The following MYBPC2 variants were observed in gnomAD, a reference collection of about 807,000 sequenced individuals.
MYBPC2 encodes the protein myosin binding protein C2.
MYBPC2 carries 122 observed loss-of-function variants against 137.0 expected under a neutral mutation model. The observed-to-expected ratio is 0.89, with a 90% CI of 0.77 to 1.03. The LOEUF (loss-of-function observed/expected upper bound fraction) is 1.03, where lower values mean the gene tolerates loss of function less well. MYBPC2 is among the 50% of genes least tolerant of loss of function. The pLI is 0.00. For missense variants in MYBPC2, 1,500 were observed against 1,534.4 expected (o/e 0.98, Z 0.37); for synonymous variants, 626 against 612.3 (o/e 1.02, Z -0.33).
At position 50,450,931 on chromosome 19, in the gene MYBPC2, C is replaced by A. The variant is rs769454145; in HGVS notation, c.1575C>A (p.Phe525Leu). 6.4e-7 allele frequency: 1 copy of A among 1,563,218 alleles called. No homozygotes were observed. Among genetic ancestry groups the A allele is most frequent in the African/African-American group, 1.4e-5 (1 of 73,652 alleles). The change falls in exon 14 of 28, where the codon TTC becomes TTA. Residue 525 changes from phenylalanine to leucine, a missense_variant. Coordinates refer to ENST00000357701, the MANE Select transcript of MYBPC2 (RefSeq NM_004533.4). Reference protein sequence around the residue: ...YALSLSAKLNFLEIKVEYVPK... With the variant: ...YALSLSAKLNLLEIKVEYVPK... ...TGTCGCTCTCGGCCAAGCTCAACTT[C>A]CTGGGTGAGGATGCCCCTTCCTCCT...
rs150527539 is a variant in MYBPC2 at position 50,449,866 on chromosome 19, A to G, written c.1473-963A>G. ...ATGCCGGCTGGTGGTCTCAGTAATG[A>G]TGATAATGGCCGGGCATGGTGGCTC... is the stretch of plus-strand genomic sequence containing the variant. On this transcript the variant is annotated intron_variant, in intron 13 of 27. Transcript: ENST00000357701. 3.0e-3 allele frequency among the ~76,000 whole-genome samples: 450 copies of G among 152,100 alleles called. 1 individual carries two copies. Among genetic ancestry groups the G allele is most frequent in the African/African-American group, 0.01 (430 of 41,480 alleles).
In MYBPC2 at chr19:50,436,997, C is replaced by T. The variant is rs561767314; in HGVS notation, c.463+263C>T. On this transcript the variant is annotated intron_variant, in intron 5 of 27. Transcript: ENST00000357701. ...TAGGAGGTGAGTTATGCACATTCCA[C>T]GTTTAAGAAAGTAGGCAAAACGGCT... 2.6e-5 allele frequency among the ~76,000 whole-genome samples: 4 copies of T among 152,162 alleles called. No individual in the cohort carries two copies. The East Asian group carries it at 7.7e-4, about 29-fold the overall frequency.
intron 13 of MYBPC2, among the ~76,000 whole-genome samples, chr19:50,448,837 C>A (rs191327668): frequency 8.7e-5 from 13 of 149,332 alleles, no homozygotes; most frequent in African/African-American, 2.7e-4. Context: ...GAGGTTCAAG[C>A]GATTCTCCTG....
At chr19:50,460,006 C>T in intron 23 of MYBPC2, 34 bp from the exon 24 acceptor site, 1 of 1,549,782 alleles carries the variant, frequency 6.5e-7, no homozygotes, top group East Asian at 2.4e-5. Flanking sequence ...CATCCCAAAA[C>T]CTGGACTGAC....
Position 50,432,984 on chromosome 19 carries a change from A to AC in MYBPC2, c.19+17dup. 1 of 1,592,224 alleles carries AC rather than the reference A, an allele frequency of 6.3e-7. No individual in the cohort carries two copies. Among genetic ancestry groups the AC allele is most frequent in the Non-Finnish European group, 8.5e-7 (1 of 1,171,644 alleles). On this transcript the variant is annotated intron_variant, in intron 1 of 27. Transcript: ENST00000357701. The surrounding 1 kb of genome is among the most constrained non-coding windows in gnomAD (Gnocchi z 5.5). ...TGAGGCAAAACCAGGTGGCGCCAGGACCCCCTCCCTGTGTGGGGATGGGGC... is the reference window on the plus strand; with the variant it reads ...TGAGGCAAAACCAGGTGGCGCCAGGACCCCCCTCCCTGTGTGGGGATGGGGC...
At position 50,464,356 on chromosome 19, in the gene MYBPC2, T is replaced by C. The variant is rs770799359; in HGVS notation, c.3239T>C (p.Val1080Ala). The C allele has an allele frequency of 6.2e-7, 1 of 1,606,498 alleles. No homozygotes were observed. The highest frequency in any genetic ancestry group is 8.5e-7 in the Non-Finnish European group (1 of 1,176,652). The stretch of plus-strand genomic sequence containing the variant: ...CTTGACTCTCAACAGCCGAAGGTGG[T>C]CTGGATGAAGAACAAGATGGAAATC... The part of the protein sequence containing the change: ...AVRGHPKPKV[V>A]WMKNKMEIRE... The change falls in exon 27 of 28, where the codon GTC becomes GCC. Residue 1080 changes from valine (V) to alanine (A), a missense_variant. By Grantham distance (64) the Val-to-Ala change is moderately conservative (BLOSUM62 0). Coordinates refer to ENST00000357701, the MANE Select transcript of MYBPC2 (RefSeq NM_004533.4).
In MYBPC2 at chr19:50,443,616, A is replaced by G. The variant is rs1010484699; in HGVS notation, c.1025A>G (p.Lys342Arg). The G allele has an allele frequency of 1.1e-5, 18 of 1,613,730 alleles. No homozygotes were observed. The highest frequency in any genetic ancestry group is 1.5e-5 in the Non-Finnish European group (18 of 1,179,678). Residue 342 changes from lysine to arginine, a missense_variant and splice_region_variant, in exon 10 of 28, where the codon AAA becomes AGA. Lys to Arg is a conservative substitution (Grantham distance 26). Transcript: ENST00000357701. ...AAGTGTTTCACCGAGCTCTTCGTCA[A>G]AGGTGAGGCTGGAATTCAGAACTGA... ...DEKCFTELFV[K>R]EPPVLIVTPL...
chr19:50,458,618 C>T lies in MYBPC2; in HGVS notation c.2370C>T (p.Pro790=), dbSNP rs764609578. ...AATGGGTCCCTGCCAACACCGAGCC[C>T]GTGGAGCGCTGTGGCTTCACCGTCA... ...SEEWVPANTE[P]VERCGFTVKN... Residue 790 remains proline, a synonymous_variant, in exon 21 of 28, where the codon CCC becomes CCT. Coordinates refer to ENST00000357701, the MANE Select transcript of MYBPC2 (RefSeq NM_004533.4). 1.2e-6 allele frequency: 2 copies of T among 1,612,712 alleles called. No individual in the cohort carries two copies. Among genetic ancestry groups the T allele is most frequent in the Admixed American group, 1.7e-5 (1 of 60,006 alleles).
rs756331615 is a variant in MYBPC2 at position 50,459,305 on chromosome 19, G to T, written c.2790G>T (p.Val930=). ...CCGCCACCATCCGCATCCGCGTTGT[G>T]GGTGCGCGCGCTGGGGAGGGCCCCT... ...KDTATIRIRV[V]EKAGPPINVM... The change falls in exon 23 of 28, where the codon GTG becomes GTT. Residue 930 remains valine, a splice_region_variant and synonymous_variant. Coordinates refer to ENST00000357701, the MANE Select transcript of MYBPC2 (RefSeq NM_004533.4). 5.6e-6 allele frequency: 9 copies of T among 1,598,374 alleles called. No individual in the cohort carries two copies. Among genetic ancestry groups the T allele is most frequent in the African/African-American group, 1.4e-5 (1 of 73,908 alleles).
At chr19:50,446,164 C>A in intron 12 of MYBPC2, 112 bp downstream of exon 12, 2 of 1,284,804 alleles carry the variant, frequency 1.6e-6, no homozygotes, top group Non-Finnish European at 2.1e-6. Context: ...CTCTTTCCCA[C>A]ACACCCTATG....
rs2039695029 is a variant in MYBPC2 at position 50,435,597 on chromosome 19, A to G, written c.110-179A>G. ...GGTGAGGGAGCCTGGCCAAGGTCAC[A>G]CAGCCACGAGGGTGACAGGTGGCCT... On this transcript the variant is annotated intron_variant, in intron 2 of 27. Coordinates refer to ENST00000357701, the MANE Select transcript of MYBPC2 (RefSeq NM_004533.4). The surrounding 1 kb of genome is among the most constrained non-coding windows in gnomAD (Gnocchi z 4.8). Among the ~76,000 whole-genome samples, 1 of 152,214 alleles carries G rather than the reference A, an allele frequency of 6.6e-6. No individual in the cohort carries two copies.
rs370531574 is a variant in MYBPC2, at chr19:50,464,442, C to T, written c.3325C>T (p.Arg1109Cys). 39 of 1,611,562 alleles carry T rather than the reference C, an allele frequency of 2.4e-5. No individual in the cohort carries two copies. The highest frequency in any genetic ancestry group is 4.0e-5 in the African/African-American group (3 of 74,906). The change falls in exon 27 of 28, where the codon CGC (arginine) becomes TGC (cysteine). Residue 1109 changes from arginine to cysteine, a missense_variant. By Grantham distance (180) the Arg-to-Cys change is radical. Coordinates refer to ENST00000357701, the MANE Select transcript of MYBPC2 (RefSeq NM_004533.4). The stretch of plus-strand genomic sequence containing the variant: ...AGGAGTCCTGACGCTGAACATCCGT[C>T]GCCCCTCGCCCTTCGACGCTGGGAC... ...YQGVLTLNIR[R>C]PSPFDAGTYT... is the part of the protein sequence containing the mutation.
chr19:50,435,780 C>A lies in MYBPC2; in HGVS notation c.114C>A (p.Ala38=). The change falls in exon 3 of 28, where the codon GCC becomes GCA. Residue 38 remains alanine (A), a synonymous_variant. Coordinates refer to ENST00000357701, the MANE Select transcript of MYBPC2 (RefSeq NM_004533.4). The surrounding 1 kb of genome is among the most constrained non-coding windows in gnomAD (Gnocchi z 4.8). ...CTAATCCTGTCCCCTGAACAGAAGC[C>A]CCACCCGAGGACCAGTCCCCGACTG... ...KEAPAEAPKE[A]PPEDQSPTAE... 3.1e-6 allele frequency: 5 copies of A among 1,608,250 alleles called. No individual in the cohort carries two copies. Among genetic ancestry groups the A allele is most frequent in the Non-Finnish European group, 4.3e-6 (5 of 1,176,168 alleles).
At chr19:50,449,228 G>A (rs1254164820) in intron 13 of MYBPC2, among the ~76,000 whole-genome samples, 3 of 152,206 alleles carry the variant, frequency 2.0e-5, no homozygotes, top group Admixed American at 2.0e-4. Context: ...TCTTGAGCGT[G>A]CAGGTTGGTT....
intron 18 of MYBPC2, among the ~76,000 whole-genome samples, chr19:50,454,574 C>T (rs578260553): frequency 6.6e-6 from 1 of 151,926 alleles, no homozygotes; most frequent in African/African-American, 2.4e-5. Context: ...TACAGGTGCC[C>T]ACCACCACGC....
rs751444760 is a variant in MYBPC2, at chr19:50,455,267, G to A, written c.2174G>A (p.Ser725Asn). The A allele has an allele frequency of 2.5e-6, 4 of 1,613,704 alleles. No homozygotes were observed. Among genetic ancestry groups the A allele is most frequent in the Non-Finnish European group, 3.4e-6 (4 of 1,179,816 alleles). Reference protein sequence around the residue: ...AVNAIGVSQPSMNTKPFMPIA... With the variant: ...AVNAIGVSQPNMNTKPFMPIA... ...AATGCTATAGGGGTCTCCCAGCCCAGCATGAACACCAAGCCTTTTATGCCT... is the reference window on the plus strand; with the variant it reads ...AATGCTATAGGGGTCTCCCAGCCCAACATGAACACCAAGCCTTTTATGCCT... Residue 725 changes from serine to asparagine, a missense_variant, in exon 19 of 28, where the codon AGC (serine) becomes AAC (asparagine). Coordinates refer to ENST00000357701, the MANE Select transcript of MYBPC2 (RefSeq NM_004533.4).
At position 50,441,728 on chromosome 19, in the gene MYBPC2, A is replaced by C. The variant is rs888240090; in HGVS notation, c.770-453A>C. Among the ~76,000 whole-genome samples, 7 of 151,924 alleles carry C rather than the reference A, an allele frequency of 4.6e-5. No homozygotes were observed. The South Asian group carries it at 1.5e-3, about 32-fold the overall frequency. On this transcript the variant is annotated intron_variant, in intron 8 of 27. Transcript: ENST00000357701. ...GGTGGTGTGCACCTGTAATCCCAGCAACTTGGGAGGCTGAGGCAGGAGAAT... is the reference window on the plus strand; with the variant it reads ...GGTGGTGTGCACCTGTAATCCCAGCCACTTGGGAGGCTGAGGCAGGAGAAT...
intron 12 of MYBPC2, among the ~76,000 whole-genome samples, chr19:50,447,029 T>TG (rs1315451389): frequency 2.7e-5 from 4 of 145,532 alleles, no homozygotes; most frequent in Admixed American, 6.8e-5. Context: ...ACAGCCCCCC[T>TG]GTTGCTGCCC....
At chr19:50,455,043 C>T (rs997494306) in intron 18 of MYBPC2, 65 bp from the exon 19 acceptor site, 11 of 1,466,090 alleles carry the variant, frequency 7.5e-6, no homozygotes, top group African/African-American at 2.8e-5. Context: ...GGCCCTCACT[C>T]CCCCAGCTGA....
Sources: allele counts gnomAD v4.1 joint callset (sites outside exome capture counted in the v4.1 genomes callset), GRCh38; gene constraint gnomAD v4.1.1; non-coding constraint Gnocchi (gnomAD v3.1); transcripts MANE v1.5; gene names NCBI Gene and HGNC (gene_info 2026-07-23, HGNC 2026-07-21).